The following FGD3 variants were observed in gnomAD, a reference collection of about 807,000 sequenced individuals.
The protein encoded by FGD3 is FYVE, RhoGEF and PH domain-containing protein 3.
A neutral mutation model predicts 71.8 loss-of-function variants in FGD3; 45 were observed. That is an observed-to-expected ratio of 0.63 (90% CI 0.49 to 0.80). FGD3 has a LOEUF of 0.80. Among genes scored for constraint, FGD3 ranks in the 30% least tolerant of loss-of-function variants. The pLI is 0.00. For synonymous variants in FGD3, 378 were observed against 392.8 expected (o/e 0.96, Z 0.44); for missense variants, 844 against 951.5 (o/e 0.89, Z 1.49).
In FGD3 at chr9:93,027,498, G is replaced by A. The variant is rs531317910; in HGVS notation, c.1558-2376G>A. On this transcript the variant is annotated intron_variant, in intron 14 of 17. Coordinates refer to ENST00000375482, the MANE Select transcript of FGD3 (RefSeq NM_001083536.2). ...AAAGACACCAGTAAGATTGAATCAG[G>A]GCCCAACCTGAGACCTCATTTTAAC... Among the ~76,000 whole-genome samples, 215 of 152,058 alleles carry A rather than the reference G, an allele frequency of 1.4e-3. 1 individual carries two copies. The highest frequency in any genetic ancestry group is 5.0e-3 in the African/African-American group (206 of 41,468).
intron 3 of FGD3, among the ~76,000 whole-genome samples, chr9:92,997,205 A>T (rs1253771412): frequency 2.6e-5 from 4 of 152,142 alleles, no homozygotes; most frequent in Non-Finnish European, 5.9e-5. Flanking sequence ...CTTCTTGTTG[A>T]ATTGGTCCCT....
chr9:92,961,420 T>G (rs1016988707), intron 1 of FGD3, among the ~76,000 whole-genome samples: 1 of 152,144 alleles, frequency 6.6e-6, no homozygotes, highest in African/African-American at 2.4e-5. Context: ...CCAGGAGTCC[T>G]CCGGGGTAGA....
intron 2 of FGD3, 49 bp from the exon 3 acceptor site, chr9:92,976,156 GTGC>G: frequency 8.7e-7 from 1 of 1,143,930 alleles, no homozygotes; most frequent in Non-Finnish European, 1.2e-6. Flanking sequence ...GCACCTGAGG[GTGC>G]TGGTCCATGC....
In FGD3 at chr9:93,029,992, G is replaced by T; in HGVS notation, c.1676G>T (p.Gly559Val). ...AGGAGGCATCACTGCAAGCTGTGTG[G>T]GGCGGTGAGTCCCGGGAGAGGGGGA... is the stretch of plus-strand genomic sequence containing the variant. The part of the protein sequence containing the change: ...TKRRHHCKLC[G>V]AVICGKCSEF... Residue 559 changes from glycine (G) to valine (V), a missense_variant, in exon 15 of 18, where the codon GGG (glycine) becomes GTG (valine). By Grantham distance (109) the Gly-to-Val change is moderately radical. Coordinates refer to ENST00000375482, the MANE Select transcript of FGD3 (RefSeq NM_001083536.2). 6.2e-7 allele frequency: 1 copy of T among 1,612,024 alleles called. No homozygotes were observed. Among genetic ancestry groups the T allele is most frequent in the South Asian group, 1.1e-5 (1 of 90,980 alleles).
intron 6 of FGD3, among the ~76,000 whole-genome samples, chr9:93,007,192 G>A (rs538404806): frequency 2.1e-4 from 31 of 148,458 alleles, no homozygotes; most frequent in African/African-American, 5.9e-4. Context: ...CCAGGTTCAC[G>A]CCATTCTCCT....
chr9:93,018,185 G>A lies in FGD3; in HGVS notation c.1325G>A (p.Gly442Glu), dbSNP rs1325685542. ...PNTAHTFIIT[G>E]RKRSLELQTR... ...ACAGCACATACATTCATCATAACAGGAAGAAAAAGGTCCCTGGAGCTGCAG... is the reference window on the plus strand; with the variant it reads ...ACAGCACATACATTCATCATAACAGAAAGAAAAAGGTCCCTGGAGCTGCAG... The change falls in exon 11 of 18, where the codon GGA becomes GAA. Residue 442 changes from glycine (G) to glutamate (E), a missense_variant. Transcript: ENST00000375482. The A allele has an allele frequency of 1.9e-6, 3 of 1,614,026 alleles. No homozygotes were observed. The highest frequency in any genetic ancestry group is 3.3e-5 in the Admixed American group (2 of 59,988).
At chr9:93,033,312 TCC>T (rs1862435425) in intron 16 of FGD3, 1 of 227,834 alleles carries the variant, frequency 4.4e-6, no homozygotes, top group Non-Finnish European at 8.5e-6. Flanking sequence ...CTTCTCCTCC[TCC>T]TCCCCGTCCC....
At chr9:93,028,341 A>C (rs979978990) in intron 14 of FGD3, among the ~76,000 whole-genome samples, 1 of 37,882 alleles carries the variant, frequency 2.6e-5, no homozygotes, top group Non-Finnish European at 4.3e-5. Context: ...TTAAACAGGA[A>C]AAAAAAAAAA....
At chr9:92,949,011 G>T (rs187060395) in intron 1 of FGD3, among the ~76,000 whole-genome samples, 2 of 152,176 alleles carry the variant, frequency 1.3e-5, no homozygotes, top group Non-Finnish European at 2.9e-5. Context: ...TTCCTTATCC[G>T]CAAAATGAGG....
intron 14 of FGD3, among the ~76,000 whole-genome samples, chr9:93,025,034 A>G (rs902892211): frequency 2.6e-5 from 4 of 152,212 alleles, no homozygotes; most frequent in African/African-American, 9.6e-5. Flanking sequence ...GTCACAGGCG[A>G]GAAGGTAATT....
At chr9:92,957,645 C>A (rs1011766574) in intron 1 of FGD3, among the ~76,000 whole-genome samples, 1 of 150,102 alleles carries the variant, frequency 6.7e-6, no homozygotes, top group Admixed American at 6.7e-5. Flanking sequence ...TGTTTTCTCC[C>A]AATCTGTGAT....
intron 7 of FGD3, 59 bp from the exon 8 acceptor site, chr9:93,011,155 C>G: frequency 7.0e-6 from 11 of 1,573,354 alleles, no homozygotes; most frequent in Non-Finnish European, 9.6e-6. Flanking sequence ...TGGAGCCCCT[C>G]AGGCAAGCAA....
At chr9:93,026,500 G>A (rs973094447) in intron 14 of FGD3, among the ~76,000 whole-genome samples, 4 of 152,180 alleles carry the variant, frequency 2.6e-5, no homozygotes, top group African/African-American at 9.7e-5. Context: ...GGTTGGCCTC[G>A]ACGGGCTGCG....
chr9:93,013,010 A>G (rs989113431), intron 8 of FGD3, among the ~76,000 whole-genome samples: 8 of 151,086 alleles, frequency 5.3e-5, no homozygotes, highest in Non-Finnish European at 1.0e-4. Flanking sequence ...GTACACACCA[A>G]CTGCACACCC....
intron 1 of FGD3, among the ~76,000 whole-genome samples, chr9:92,954,765 G>C (rs150677452): frequency 9.5e-4 from 144 of 152,226 alleles, no homozygotes; most frequent in African/African-American, 3.3e-3. Context: ...CTGAGCCCTG[G>C]CCTCCTGGTT....
At chr9:93,005,050 A>G (rs899601761) in intron 5 of FGD3, among the ~76,000 whole-genome samples, 2 of 152,116 alleles carry the variant, frequency 1.3e-5, no homozygotes, top group African/African-American at 2.4e-5. Context: ...CTGCTAACTC[A>G]TGAGTGCATG....
At chr9:92,964,860 G>A (rs1231955947) in intron 1 of FGD3, among the ~76,000 whole-genome samples, 1 of 152,198 alleles carries the variant, frequency 6.6e-6, no homozygotes, top group East Asian at 1.9e-4. Flanking sequence ...TGCCTGAACA[G>A]AGGAGGGTGG....
intron 3 of FGD3, 69 bp from the exon 4 acceptor site, chr9:93,002,856 G>A: frequency 6.6e-7 from 1 of 1,509,852 alleles, no homozygotes; most frequent in South Asian, 1.1e-5. Context: ...GCACACAGTG[G>A]CAGCCCGTTA....
chr9:93,008,890 G>A (rs1158904568), intron 6 of FGD3, among the ~76,000 whole-genome samples: 1 of 151,898 alleles, frequency 6.6e-6, no homozygotes, highest in Admixed American at 6.6e-5. Flanking sequence ...GCTTGAGCCG[G>A]GGAGGCGGAG....
Sources: gnomAD v4.1 joint callset for allele counts (sites outside exome capture counted in the v4.1 genomes callset) on GRCh38, gnomAD v4.1.1 for gene constraint, MANE v1.5 for transcripts, NCBI Gene and HGNC (gene_info 2026-07-23, HGNC 2026-07-21) for gene names.